SGCD: variants seen among roughly 807,000 people sequenced by gnomAD.
The protein encoded by SGCD is delta-sarcoglycan.
SGCD carries 18 observed loss-of-function variants against 36.6 expected under a neutral mutation model. That is an observed-to-expected ratio of 0.49 (90% CI 0.34 to 0.73). The LOEUF (loss-of-function observed/expected upper bound fraction) is 0.73, where lower values mean the gene tolerates loss of function less well. Ranked by LOEUF, SGCD falls within the 30% of genes least tolerant of loss-of-function variation. The pLI is 0.01. For synonymous variants in SGCD, 133 were observed against 130.6 expected, an observed-to-expected ratio of 1.02 and a Z score of -0.12; for missense variants, 387 against 346.7, an observed-to-expected ratio of 1.12 and a Z score of -0.92.
At chr5:155,838,684 A>T in the SGCD span, among the ~76,000 whole-genome samples, 4 of 151,956 alleles carry the variant, frequency 2.6e-5, no homozygotes, top group East Asian at 7.7e-4. Context: ...AGTTTTCCAG[A>T]ATCTATTTGA....
At chr5:156,365,719 T>A (rs1306312099) in intron 3 of SGCD, among the ~76,000 whole-genome samples, 1 of 152,164 alleles carries the variant, frequency 6.6e-6, no homozygotes, top group Non-Finnish European at 1.5e-5. Context: ...TAGACATATA[T>A]ACAATATATA....
chr5:156,742,750 G>A (rs943806686), intron 7 of SGCD, among the ~76,000 whole-genome samples: 1 of 152,080 alleles, frequency 6.6e-6, no homozygotes, highest in Non-Finnish European at 1.5e-5. Flanking sequence ...AGGAGTAGAT[G>A]GTATTAATAT....
At chr5:156,026,760 T>C (rs967378998) in intron 1 of SGCD, among the ~76,000 whole-genome samples, 6 of 151,980 alleles carry the variant, frequency 3.9e-5, no homozygotes, top group African/African-American at 1.5e-4. Flanking sequence ...TGTAAGAGAG[T>C]CCATAGATCA....
At chr5:156,592,202 T>C (rs1393997497) in intron 5 of SGCD, among the ~76,000 whole-genome samples, 1 of 152,024 alleles carries the variant, frequency 6.6e-6, no homozygotes, top group African/African-American at 2.4e-5. Context: ...AGTCCAAGCA[T>C]GTGTGTCCCC....
rs186835884 is a variant in SGCD at position 156,302,174 on chromosome 5, C to A, written c.-43-27360C>A. 1.4e-4 allele frequency among the ~76,000 whole-genome samples: 21 copies of A among 152,190 alleles called. No individual in the cohort carries two copies. The Middle Eastern group carries it at 0.017, about 123-fold the overall frequency. ...GCCCTTTTAAGGCTATTTCCTGTAT[C>A]TTGTAGGTATGCTTCATTCCTTTTT... On this transcript the variant is annotated intron_variant, in intron 3 of 9. Transcript: ENST00000517913.
At chr5:155,813,064 G>A in the SGCD span, among the ~76,000 whole-genome samples, 4 of 151,490 alleles carry the variant, frequency 2.6e-5, no homozygotes, top group Admixed American at 2.6e-4. Flanking sequence ...AGAAAGGAAG[G>A]AAAAAGGAAT....
chr5:155,776,425 A>G, the SGCD span, among the ~76,000 whole-genome samples: 2 of 152,196 alleles, frequency 1.3e-5, no homozygotes, highest in African/African-American at 4.8e-5. Context: ...TAAATGAGAC[A>G]ATGTGTGTAT....
chr5:156,323,838 GT>G (rs1261550401), upstream of SGCD, among the ~76,000 whole-genome samples: 4 of 152,182 alleles, frequency 2.6e-5, no homozygotes, highest in African/African-American at 9.6e-5. Context: ...ATAAAAAGGT[GT>G]AATAGGAAGG....
chr5:156,203,276 A>G lies in SGCD; in HGVS notation c.-44+79257A>G, dbSNP rs1430562792. ...TTAACTATTTGGATATTAAACCTAG[A>G]TTGTAGGGACTTACAATTTAAATTC... On this transcript the variant is annotated intron_variant, in intron 3 of 9. Transcript: ENST00000517913. Among the ~76,000 whole-genome samples, 3 of 152,076 alleles carry G rather than the reference A, an allele frequency of 2.0e-5. No homozygotes were observed. The East Asian group carries it at 5.8e-4, about 29-fold the overall frequency.
rs1284483769 is a variant in SGCD at position 156,050,847 on chromosome 5, T to C, written c.-281-67031T>C. Among the ~76,000 whole-genome samples, 15 of 146,580 alleles carry C rather than the reference T, an allele frequency of 1.0e-4. 1 individual carries two copies. The highest frequency in any genetic ancestry group is 1.0e-3 in the Admixed American group (15 of 14,700). ...AAAGTATAGCTTCTTATAACCTCTT[T>C]CTCACCATTGTGCCTCCATTTTACA... On this transcript the variant is annotated intron_variant, in intron 1 of 9. Transcript: ENST00000517913.
intron 3 of SGCD, among the ~76,000 whole-genome samples, chr5:156,423,429 AAATAT>A (rs1285671886): frequency 2.2e-5 from 2 of 92,348 alleles, no homozygotes; most frequent in Non-Finnish European, 4.1e-5. Context: ...TATTTTAATA[AAATAT>A]AATATATTTA....
At chr5:156,475,470 T>C (rs147696069) in intron 3 of SGCD, among the ~76,000 whole-genome samples, 111 of 152,312 alleles carry the variant, frequency 7.3e-4, no homozygotes, top group African/African-American at 1.1e-3. Flanking sequence ...TTTTTGTAAA[T>C]AGACCACAGC....
intron 1 of SGCD, among the ~76,000 whole-genome samples, chr5:156,078,581 A>G (rs1029411554): frequency 7.4e-5 from 10 of 135,148 alleles, no homozygotes; most frequent in Non-Finnish European, 1.5e-4. Context: ...ATTTATATTT[A>G]TATATATTTA....
At chr5:156,428,611 C>A (rs1773778812) in intron 3 of SGCD, among the ~76,000 whole-genome samples, 2 of 151,940 alleles carry the variant, frequency 1.3e-5, no homozygotes, top group African/African-American at 4.8e-5. Flanking sequence ...TTCTCTAGTT[C>A]CTTGAAGTGT....
intron 1 of SGCD, among the ~76,000 whole-genome samples, chr5:155,898,375 C>T (rs1395049153): frequency 6.6e-6 from 1 of 152,196 alleles, no homozygotes. Flanking sequence ...ATCCAACAGA[C>T]TTTTATTTTC....
At chr5:155,779,444 A>C in the SGCD span, among the ~76,000 whole-genome samples, 1 of 151,474 alleles carries the variant, frequency 6.6e-6, no homozygotes, top group Non-Finnish European at 1.5e-5. Flanking sequence ...TCCAAAAAAA[A>C]CAAAAAAAAT....
At chr5:155,942,471 GGA>G (rs1056562600) in intron 1 of SGCD, among the ~76,000 whole-genome samples, 3 of 152,064 alleles carry the variant, frequency 2.0e-5, no homozygotes, top group African/African-American at 7.2e-5. Context: ...TTGAAAAGTA[GGA>G]GAGAGAGAAT....
At chr5:156,669,119 G>C (rs1028676440) in intron 7 of SGCD, among the ~76,000 whole-genome samples, 1 of 152,042 alleles carries the variant, frequency 6.6e-6, no homozygotes, top group Non-Finnish European at 1.5e-5. Context: ...CCTGCAATAC[G>C]GCCGAAAGTT....
chr5:156,396,688 G>A (rs1771868421), intron 3 of SGCD, among the ~76,000 whole-genome samples: 2 of 152,182 alleles, frequency 1.3e-5, no homozygotes, highest in Non-Finnish European at 2.9e-5. Flanking sequence ...GGCATGTGTG[G>A]GAGACAGAAA....
Sources: gnomAD v4.1 joint callset for allele counts (sites outside exome capture counted in the v4.1 genomes callset) on GRCh38, gnomAD v4.1.1 for gene constraint, MANE v1.5 for transcripts, NCBI Gene and HGNC (gene_info 2026-07-23, HGNC 2026-07-21) for gene names.